Variants in NRXN1 observed in about 807,000 individuals in gnomAD.
NRXN1 encodes the protein neurexin 1.
A neutral mutation model predicts 150.9 loss-of-function variants in NRXN1; 39 were observed. That is an observed-to-expected ratio of 0.26 (90% confidence interval 0.20 to 0.34). The LOEUF is 0.34. Among genes scored for constraint, NRXN1 ranks in the 10% least tolerant of loss-of-function variants. NRXN1 has a pLI of 1.00. For missense variants in NRXN1, 1,815 were observed against 1,949.9 expected, an observed-to-expected ratio of 0.93 and a Z score of 1.30; for synonymous variants, 924 against 757.0, an observed-to-expected ratio of 1.22 and a Z score of -3.62.
chr2:50,392,104 C>G (rs2081753550), intron 17 of NRXN1, among the ~76,000 whole-genome samples: 1 of 152,144 alleles, frequency 6.6e-6, no homozygotes, highest in Admixed American at 6.6e-5. Context: ...ATCACCAATA[C>G]AGCCAATCAT....
chr2:50,320,101 C>T (rs892670453), intron 17 of NRXN1, among the ~76,000 whole-genome samples: 3 of 149,960 alleles, frequency 2.0e-5, no homozygotes, highest in Non-Finnish European at 4.4e-5. Context: ...TGGACCATTC[C>T]AAACACTAAC....
intron 17 of NRXN1, among the ~76,000 whole-genome samples, chr2:50,260,595 G>C (rs1206842734): frequency 7.0e-6 from 1 of 143,458 alleles, no homozygotes; most frequent in Non-Finnish European, 1.5e-5. Flanking sequence ...AGCAAACACC[G>C]ATGACAAAAG....
At chr2:50,361,417 A>G (rs1454394892) in intron 17 of NRXN1, among the ~76,000 whole-genome samples, 3 of 152,190 alleles carry the variant, frequency 2.0e-5, no homozygotes, top group African/African-American at 7.2e-5. Flanking sequence ...CAATAAAAAA[A>G]TGATAAAGGG....
intron 17 of NRXN1, among the ~76,000 whole-genome samples, chr2:50,395,498 G>C (rs902260565): frequency 1.3e-5 from 2 of 151,724 alleles, no homozygotes; most frequent in African/African-American, 4.8e-5. Context: ...ATCAGCTCTA[G>C]GAAAAATCAA....
Position 50,053,153 on chromosome 2 carries a change from A to C in NRXN1, c.4128+118T>G, listed in dbSNP as rs1692994118. On this transcript the variant is annotated intron_variant, in intron 21 of 22. Coordinates refer to ENST00000401669, the MANE Select transcript of NRXN1 (RefSeq NM_001330078.2). The stretch of plus-strand genomic sequence containing the variant: ...CATTATGTTAAGCTAGTTTCAAAGG[A>C]AGCTGTAGTGCCTAAGATCAGAAAA... 8 of 962,598 alleles carry C rather than the reference A, an allele frequency of 8.3e-6. No individual in the cohort carries two copies. In the Admixed American group the frequency reaches 1.2e-4, roughly 15 times the overall value. The allele number at this position is 962,598 out of a possible 1,614,324, so 59.6% of individuals were successfully genotyped here. A position where few individuals can be genotyped will look rare whatever the true frequency, so the allele number is the denominator to read the frequency against.
rs535307789 is a variant in NRXN1, at chr2:51,030,320, C to T, written c.-921-1126G>A. ...CAAATTTATTGTCTGGATGTAGAAGCTCACTACCCAATTAACACTTTTTTT... is the reference window on the plus strand; with the variant it reads ...CAAATTTATTGTCTGGATGTAGAAGTTCACTACCCAATTAACACTTTTTTT... On this transcript the variant is annotated intron_variant, in intron 1 of 22. Coordinates refer to ENST00000401669, the MANE Select transcript of NRXN1 (RefSeq NM_001330078.2). 2.0e-5 allele frequency among the ~76,000 whole-genome samples: 3 copies of T among 151,828 alleles called. No homozygotes were observed. In the East Asian group the frequency reaches 5.8e-4, roughly 30 times the overall value.
intron 2 of NRXN1, among the ~76,000 whole-genome samples, chr2:51,010,236 T>C (rs912366478): frequency 1.3e-5 from 2 of 152,012 alleles, no homozygotes; most frequent in African/African-American, 4.8e-5. Context: ...ATATTTATCC[T>C]TCAACAATTT....
At chr2:50,224,929 C>A (rs1399241798) in intron 18 of NRXN1, among the ~76,000 whole-genome samples, 1 of 151,782 alleles carries the variant, frequency 6.6e-6, no homozygotes, top group South Asian at 2.1e-4. Flanking sequence ...ATACAGAGAA[C>A]AGACAAGAAG....
chr2:49,948,860 G>A (rs1158091875), intron 21 of NRXN1, among the ~76,000 whole-genome samples: 2 of 151,840 alleles, frequency 1.3e-5, no homozygotes, highest in Admixed American at 1.3e-4. Flanking sequence ...TCAAGCAGAA[G>A]CATTAGCTTT....
intron 18 of NRXN1, among the ~76,000 whole-genome samples, chr2:50,144,945 C>T (rs956735280): frequency 6.6e-5 from 10 of 151,586 alleles, no homozygotes; most frequent in African/African-American, 2.4e-4. Context: ...TAGTTATTCA[C>T]AAATAATTCA....
intron 5 of NRXN1, among the ~76,000 whole-genome samples, chr2:50,643,914 T>A (rs1167689054): frequency 1.3e-5 from 2 of 151,866 alleles, no homozygotes; most frequent in Non-Finnish European, 2.9e-5. Flanking sequence ...GTCAAGTCCC[T>A]AACCTCCTCC....
intron 17 of NRXN1, among the ~76,000 whole-genome samples, chr2:50,302,324 A>C (rs1215175647): frequency 1.3e-5 from 2 of 152,228 alleles, no homozygotes; most frequent in African/African-American, 4.8e-5. Context: ...TTAAAGTTTC[A>C]TAAATGCACC....
intron 21 of NRXN1, among the ~76,000 whole-genome samples, chr2:49,957,060 A>AATGTGAAATT (rs1558579818): frequency 1.3e-5 from 2 of 152,086 alleles, no homozygotes; most frequent in Admixed American, 6.6e-5. Flanking sequence ...GTGAAATTGA[A>AATGTGAAATT]CTTCAATGTG....
At chr2:50,928,927 C>A (rs926554960) in intron 2 of NRXN1, among the ~76,000 whole-genome samples, 4 of 152,012 alleles carry the variant, frequency 2.6e-5, no homozygotes. Context: ...CTCTTGCTTT[C>A]TTTTCATTGG....
chr2:50,788,782 C>T (rs1436263169), intron 5 of NRXN1, among the ~76,000 whole-genome samples: 1 of 151,674 alleles, frequency 6.6e-6, no homozygotes. Context: ...CTGAATAAAG[C>T]ATATCCCTAC....
intron 5 of NRXN1, among the ~76,000 whole-genome samples, chr2:50,686,019 T>TA (rs991766157): frequency 3.0e-4 from 46 of 152,204 alleles, no homozygotes; most frequent in African/African-American, 1.1e-3. Flanking sequence ...TGGAGCTACT[T>TA]ACTTCCTCTC....
intron 18 of NRXN1, among the ~76,000 whole-genome samples, chr2:50,211,346 A>T (rs947922215): frequency 3.5e-4 from 53 of 151,674 alleles, no homozygotes; most frequent in African/African-American, 1.2e-3. Flanking sequence ...TGTATCCTAA[A>T]TTTAATAGAA....
At chr2:50,720,721 C>A (rs1017517347) in intron 5 of NRXN1, among the ~76,000 whole-genome samples, 16 of 152,190 alleles carry the variant, frequency 1.1e-4, no homozygotes, top group Admixed American at 4.6e-4. Context: ...CAAAGAGATT[C>A]TCTGTTCCTG....
intron 21 of NRXN1, among the ~76,000 whole-genome samples, chr2:49,957,304 T>C (rs1675141681): frequency 6.6e-6 from 1 of 152,166 alleles, no homozygotes; most frequent in Admixed American, 6.6e-5. Flanking sequence ...TAGACCTAGA[T>C]AGGCATACTA....
Sources: allele counts gnomAD v4.1 joint callset (sites outside exome capture counted in the v4.1 genomes callset), GRCh38; gene constraint gnomAD v4.1.1; transcripts MANE v1.5; gene names NCBI Gene and HGNC (gene_info 2026-07-23, HGNC 2026-07-21).